ZFPM2: variants seen among roughly 807,000 people sequenced by gnomAD.
The protein encoded by ZFPM2 is zinc finger protein, FOG family member 2.
A neutral mutation model predicts 98.6 loss-of-function variants in ZFPM2; 20 were observed. The ratio of observed to expected loss-of-function variants is 0.20; its 90% CI spans 0.14 to 0.29. The LOEUF is 0.29. Ranked by LOEUF, ZFPM2 falls within the 10% of genes least tolerant of loss-of-function variation. The pLI, the probability that ZFPM2 is intolerant of heterozygous loss-of-function variation, is 1.00. For synonymous variants in ZFPM2, 518 were observed against 502.7 expected, an observed-to-expected ratio of 1.03 and a Z score of -0.41; for missense variants, 1,310 against 1,388.6, an observed-to-expected ratio of 0.94 and a Z score of 0.90.
intron 5 of ZFPM2, among the ~76,000 whole-genome samples, chr8:105,650,142 A>G (rs1817140326): frequency 6.6e-6 from 1 of 152,178 alleles, no homozygotes; most frequent in African/African-American, 2.4e-5. Flanking sequence ...CATTTCTTCT[A>G]GATTTTCTAG....
intron 1 of ZFPM2, among the ~76,000 whole-genome samples, chr8:105,337,494 C>T (rs1372116417): frequency 6.6e-6 from 1 of 151,742 alleles, no homozygotes; most frequent in Non-Finnish European, 1.5e-5. Flanking sequence ...CTTTGCCTTT[C>T]TCCTCTTTCC....
chr8:105,546,568 CA>C (rs376278402), intron 3 of ZFPM2, among the ~76,000 whole-genome samples: 1,490 of 84,508 alleles, frequency 0.018, 5 homozygotes, highest in Non-Finnish European at 0.026. Context: ...AGCTCAGTCT[CA>C]AAAAAAAAAA....
At chr8:105,485,554 C>A (rs540070885) in intron 3 of ZFPM2, among the ~76,000 whole-genome samples, 1 of 152,066 alleles carries the variant, frequency 6.6e-6, no homozygotes, top group African/African-American at 2.4e-5. Context: ...ATTGTAGCCT[C>A]TGTGTAACGG....
intron 5 of ZFPM2, among the ~76,000 whole-genome samples, chr8:105,671,808 A>G (rs551711363): frequency 6.6e-6 from 1 of 152,268 alleles, no homozygotes; most frequent in East Asian, 1.9e-4. Context: ...GTGCTATAGC[A>G]GTGGTCACTA....
intron 4 of ZFPM2, among the ~76,000 whole-genome samples, chr8:105,594,574 A>G (rs1336501337): frequency 2.0e-5 from 3 of 152,074 alleles, no homozygotes; most frequent in African/African-American, 7.2e-5. Context: ...TCATATTTCC[A>G]TAACTCTCTG....
chr8:105,472,216 A>C (rs1199023997), intron 3 of ZFPM2, among the ~76,000 whole-genome samples: 1 of 152,228 alleles, frequency 6.6e-6, no homozygotes, highest in Non-Finnish European at 1.5e-5. Context: ...TTTTAAGAAT[A>C]AGCAGAGTTA....
chr8:105,365,751 T>G (rs1810493287), intron 1 of ZFPM2, among the ~76,000 whole-genome samples: 2 of 152,188 alleles, frequency 1.3e-5, no homozygotes, highest in Admixed American at 6.6e-5. Context: ...CAGACTGACG[T>G]GCTCAGCCAG....
chr8:105,746,011 A>G (rs2131042334), intron 5 of ZFPM2, among the ~76,000 whole-genome samples: 1 of 152,086 alleles, frequency 6.6e-6, no homozygotes, highest in Non-Finnish European at 1.5e-5. Context: ...GCCTCAATTG[A>G]TCCTCCTGCC....
chr8:105,558,972 T>C, intron 3 of ZFPM2, among the ~76,000 whole-genome samples: 1 of 152,288 alleles, frequency 6.6e-6, no homozygotes, highest in South Asian at 2.1e-4. Flanking sequence ...CAGTTTATTT[T>C]CAAATAAGAA....
At chr8:105,784,527 G>A (rs1813355287) in intron 5 of ZFPM2, among the ~76,000 whole-genome samples, 1 of 145,808 alleles carries the variant, frequency 6.9e-6, no homozygotes, top group African/African-American at 2.8e-5. Context: ...GCCCCAAGTG[G>A]ATGAAACCAA....
At chr8:105,596,478 G>C (rs145174973) in intron 4 of ZFPM2, among the ~76,000 whole-genome samples, 78 of 152,078 alleles carry the variant, frequency 5.1e-4, no homozygotes, top group African/African-American at 1.8e-3. Flanking sequence ...CTCCCTGGTT[G>C]TTCTGGTATG....
chr8:105,725,482 C>T (rs1297852353), intron 5 of ZFPM2, among the ~76,000 whole-genome samples: 1 of 151,670 alleles, frequency 6.6e-6, no homozygotes. Flanking sequence ...ACCGGTATTT[C>T]CCAAAGACCA....
chr8:105,433,881 G>A (rs904629593), intron 2 of ZFPM2, among the ~76,000 whole-genome samples: 8 of 152,146 alleles, frequency 5.3e-5, no homozygotes, highest in African/African-American at 1.9e-4. Context: ...CTCATCTGCG[G>A]TCCTCAAATG....
chr8:105,506,988 C>CA (rs61634908), intron 3 of ZFPM2, among the ~76,000 whole-genome samples: 37,191 of 112,308 alleles, frequency 0.33, 5,286 homozygotes, highest in African/African-American at 0.44. Flanking sequence ...ACTCCGTCTC[C>CA]AAAAAAAAAA....
At chr8:105,529,362 A>G (rs1424251163) in intron 3 of ZFPM2, among the ~76,000 whole-genome samples, 1 of 152,156 alleles carries the variant, frequency 6.6e-6, no homozygotes, top group African/African-American at 2.4e-5. Context: ...AGTTTAGTTC[A>G]TAACACCAGG....
chr8:105,678,491 A>G (rs1402213988), intron 5 of ZFPM2: 1 of 152,166 alleles, frequency 6.6e-6, no homozygotes, highest in Non-Finnish European at 1.5e-5. Context: ...AATGGCCTTT[A>G]TGCCTCCTGG....
At chr8:105,637,618 G>A (rs752466658) in intron 5 of ZFPM2, among the ~76,000 whole-genome samples, 8 of 152,026 alleles carry the variant, frequency 5.3e-5, no homozygotes, top group Non-Finnish European at 1.2e-4. Context: ...TTAGAGGGAG[G>A]AGACAGCTCA....
intron 3 of ZFPM2, among the ~76,000 whole-genome samples, chr8:105,477,875 T>A (rs1442309231): frequency 6.6e-6 from 1 of 152,340 alleles, no homozygotes; most frequent in Non-Finnish European, 1.5e-5. Flanking sequence ...TAACTTACTT[T>A]AAAGTCTTCT....
At chr8:105,323,530 A>C (rs1812066053) in intron 1 of ZFPM2, among the ~76,000 whole-genome samples, 1 of 151,980 alleles carries the variant, frequency 6.6e-6, no homozygotes, top group East Asian at 1.9e-4. Context: ...TTTAGCAATA[A>C]AACAGATAGA....
Sources: allele counts gnomAD v4.1 joint callset (sites outside exome capture counted in the v4.1 genomes callset), GRCh38; gene constraint gnomAD v4.1.1; transcripts MANE v1.5; gene names NCBI Gene and HGNC (gene_info 2026-07-23, HGNC 2026-07-21).